The following LHFPL3 variants were observed in gnomAD, a reference collection of about 807,000 sequenced individuals.
LHFPL3 encodes LHFPL tetraspan subfamily member 3, also known as LHFPL tetraspan subfamily member 3 protein.
A neutral mutation model predicts 19.3 loss-of-function variants in LHFPL3; 5 were observed. The ratio of observed to expected loss-of-function variants is 0.26; its 90% CI spans 0.14 to 0.54. The LOEUF is 0.54. Among genes scored for constraint, LHFPL3 ranks in the 20% least tolerant of loss-of-function variants. The pLI, the probability that LHFPL3 is intolerant of heterozygous loss-of-function variation, is 0.94. For synonymous variants in LHFPL3, 133 were observed against 126.2 expected (o/e 1.05, Z -0.36); for missense variants, 249 against 307.4 (o/e 0.81, Z 1.42).
At chr7:104,822,735 C>T (rs1010411968) in intron 2 of LHFPL3, among the ~76,000 whole-genome samples, 21 of 151,984 alleles carry the variant, frequency 1.4e-4, no homozygotes, top group Non-Finnish European at 3.1e-4. Flanking sequence ...GAATCTGACA[C>T]GGAGCTATGG....
intron 2 of LHFPL3, among the ~76,000 whole-genome samples, chr7:104,797,855 G>A (rs1423035483): frequency 6.6e-6 from 1 of 152,178 alleles, no homozygotes; most frequent in Admixed American, 6.5e-5. Flanking sequence ...GGTAGAGGTT[G>A]CAGTAGGCTG....
At chr7:104,487,986 A>G (rs1793269863) in intron 1 of LHFPL3, among the ~76,000 whole-genome samples, 2 of 152,184 alleles carry the variant, frequency 1.3e-5, no homozygotes, top group Non-Finnish European at 2.9e-5. Flanking sequence ...GCTTGTCTCC[A>G]TGAATGGTCA....
Position 104,508,973 on chromosome 7 carries a change from C to T in LHFPL3, c.445+179749C>T, listed in dbSNP as rs117570055. Among the ~76,000 whole-genome samples, 1,061 of 152,044 alleles carry T rather than the reference C, an allele frequency of 7.0e-3. 8 individuals are homozygous for T. The highest frequency in any genetic ancestry group is 0.024 in the Middle Eastern group (7 of 294). The stretch of plus-strand genomic sequence containing the variant: ...AAGATTAAGAGTATACAATGAACAA[C>T]TCTATATGATAAATTCGACAAATTA... On this transcript the variant is annotated intron_variant, in intron 1 of 2. Transcript: ENST00000424859.
At chr7:104,463,155 C>T (rs1231757656) in intron 1 of LHFPL3, among the ~76,000 whole-genome samples, 10 of 152,036 alleles carry the variant, frequency 6.6e-5, no homozygotes, top group Admixed American at 6.6e-4. Flanking sequence ...TAGCTAGCAG[C>T]CTATCTTATT....
chr7:104,842,229 G>A (rs4236578), intron 2 of LHFPL3, among the ~76,000 whole-genome samples: 145,407 of 146,146 alleles, frequency 0.99, 72,339 homozygotes, highest in Middle Eastern at 1. Flanking sequence ...AGCATAGCAC[G>A]GCAAAATACT....
At chr7:104,701,385 T>C (rs1274033064) in intron 1 of LHFPL3, among the ~76,000 whole-genome samples, 1 of 152,224 alleles carries the variant, frequency 6.6e-6, no homozygotes, top group Non-Finnish European at 1.5e-5. Flanking sequence ...TAATAGCCTA[T>C]TGTTGGCCAG....
chr7:104,541,444 G>C (rs948658864), intron 1 of LHFPL3, among the ~76,000 whole-genome samples: 1 of 152,126 alleles, frequency 6.6e-6, no homozygotes, highest in Non-Finnish European at 1.5e-5. Context: ...CAATGAGTTG[G>C]ATTCAGTATT....
chr7:104,502,825 A>G (rs1157540033), intron 1 of LHFPL3, among the ~76,000 whole-genome samples: 1 of 152,176 alleles, frequency 6.6e-6, no homozygotes, highest in East Asian at 1.9e-4. Context: ...TCTATTCCAT[A>G]CTAACTTACA....
chr7:104,499,894 C>G (rs1793567375), intron 1 of LHFPL3, among the ~76,000 whole-genome samples: 1 of 152,152 alleles, frequency 6.6e-6, no homozygotes, highest in Non-Finnish European at 1.5e-5. Context: ...AAGGAAAATA[C>G]TGCTGGAAAT....
intron 2 of LHFPL3, among the ~76,000 whole-genome samples, chr7:104,780,401 C>A (rs931772599): frequency 6.6e-6 from 1 of 152,182 alleles, no homozygotes; most frequent in South Asian, 2.1e-4. Context: ...AAAATCCAAA[C>A]CTGCCCTGAA....
intron 2 of LHFPL3, among the ~76,000 whole-genome samples, chr7:104,873,605 G>GT (rs1791876974): frequency 6.6e-6 from 1 of 152,126 alleles, no homozygotes; most frequent in Non-Finnish European, 1.5e-5. Context: ...TCCAGCCTGG[G>GT]TAACAGAGAA....
intron 1 of LHFPL3, among the ~76,000 whole-genome samples, chr7:104,489,924 T>G (rs561972445): frequency 6.6e-6 from 1 of 152,154 alleles, no homozygotes; most frequent in African/African-American, 2.4e-5. Context: ...ACCGTAAGTC[T>G]TTATAGTTCC....
At chr7:104,516,185 TG>T (rs1364764474) in intron 1 of LHFPL3, among the ~76,000 whole-genome samples, 4 of 152,030 alleles carry the variant, frequency 2.6e-5, no homozygotes, top group Admixed American at 6.6e-5. Flanking sequence ...CTTCTTTACA[TG>T]GTGGCATCAA....
chr7:104,558,220 T>C (rs1186246984), intron 1 of LHFPL3, among the ~76,000 whole-genome samples: 1 of 151,886 alleles, frequency 6.6e-6, no homozygotes, highest in East Asian at 1.9e-4. Flanking sequence ...GATCAAATGG[T>C]ATTTCCAGTT....
chr7:104,827,267 A>G (rs1414241002), intron 2 of LHFPL3, among the ~76,000 whole-genome samples: 1 of 152,034 alleles, frequency 6.6e-6, no homozygotes, highest in African/African-American at 2.4e-5. Flanking sequence ...TTTATATGTC[A>G]CAAAATAAAC....
chr7:104,853,470 A>G (rs192747146), intron 2 of LHFPL3, among the ~76,000 whole-genome samples: 88 of 152,200 alleles, frequency 5.8e-4, no homozygotes, highest in African/African-American at 2.0e-3. Context: ...TCTGGCCAGC[A>G]CACAGCACCT....
intron 2 of LHFPL3, among the ~76,000 whole-genome samples, chr7:104,829,437 G>T (rs928450696): frequency 1.3e-5 from 2 of 151,556 alleles, no homozygotes; most frequent in African/African-American, 4.9e-5. Context: ...CCATTAACTT[G>T]TCATTTAGCA....
At chr7:104,847,858 AT>A (rs1791340214) in intron 2 of LHFPL3, among the ~76,000 whole-genome samples, 1 of 152,208 alleles carries the variant, frequency 6.6e-6, no homozygotes, top group Non-Finnish European at 1.5e-5. Context: ...TTGATTTAAC[AT>A]TTTGGTCCAT....
rs1791440849 is a variant in LHFPL3 at position 104,621,212 on chromosome 7, TG to T, written c.446-115462del. ...CCAAAAGTCAAATGAGATCCAGTCC[TG>T]AAAGTTAATTCTGTGGCCCTTGAGG... On this transcript the variant is annotated intron_variant, in intron 1 of 2. Transcript: ENST00000424859. 3.9e-5 allele frequency among the ~76,000 whole-genome samples: 6 copies of T among 152,340 alleles called. No homozygotes were observed. The South Asian group carries it at 1.2e-3, about 32-fold the overall frequency.
Sources: allele counts gnomAD v4.1 joint callset (sites outside exome capture counted in the v4.1 genomes callset), GRCh38; gene constraint gnomAD v4.1.1; transcripts MANE v1.5; gene names NCBI Gene and HGNC (gene_info 2026-07-23, HGNC 2026-07-21).